Variants in SAA2 observed in about 807,000 individuals in gnomAD.
SAA2 encodes serum amyloid A-2 protein.
SAA2 carries 5 observed loss-of-function variants against 9.1 expected under a neutral mutation model. The ratio of observed to expected loss-of-function variants is 0.55; its 90% CI spans 0.29 to 1.16. The LOEUF is 1.16. SAA2 is among the 50% of genes most tolerant of loss of function. The pLI, the probability that SAA2 is intolerant of heterozygous loss-of-function variation, is 0.09. For missense variants in SAA2, 94 were observed against 153.8 expected, an observed-to-expected ratio of 0.61 and a Z score of 2.06; for synonymous variants, 49 against 59.8, an observed-to-expected ratio of 0.82 and a Z score of 0.83.
At position 18,245,405 on chromosome 11, in the gene SAA2, C is replaced by G; in HGVS notation, c.341G>C (p.Arg114Pro). ...GTATTTCTCAGGCAGGCCAGCAGGTCGGAAGTGATTGGGGTCTCTGCCACT... is the reference window on the plus strand; with the variant it reads ...GTATTTCTCAGGCAGGCCAGCAGGTGGGAAGTGATTGGGGTCTCTGCCACT... ...GRSGRDPNHF[R>P]PAGLPEKY The change falls in exon 4 of 4, where the codon CGA becomes CCA. Residue 114 changes from arginine to proline, a missense_variant. Transcript: ENST00000256733. 6.2e-7 allele frequency: 1 copy of G among 1,614,222 alleles called. No individual in the cohort carries two copies. The highest frequency in any genetic ancestry group is 8.5e-7 in the Non-Finnish European group (1 of 1,180,050).
chr11:18,239,569 A>G, exon 4 of SAA2: 1 of 400,232 alleles, frequency 2.5e-6, no homozygotes, highest in African/African-American at 2.1e-5. Context: ...ATAGTCAATG[A>G]CTCCATGTTG....
At chr11:18,240,477 G>A (rs1416538971), downstream of SAA2, among the ~76,000 whole-genome samples, 2 of 152,072 alleles carry the variant, frequency 1.3e-5, 1 homozygote, top group South Asian at 4.1e-4. Flanking sequence ...GGTTCCTTTA[G>A]TCACATAGCT....
At chr11:18,245,226 A>G, downstream of SAA2, 2 of 1,456,088 alleles carry the variant, frequency 1.4e-6, no homozygotes, top group Non-Finnish European at 1.8e-6. Flanking sequence ...AGAAGAACAC[A>G]CTGTTTCAAC....
chr11:18,244,622 T>C (rs1857445574), downstream of SAA2, among the ~76,000 whole-genome samples: 1 of 152,232 alleles, frequency 6.6e-6, no homozygotes, highest in Non-Finnish European at 1.5e-5. Flanking sequence ...GGACCCTGAC[T>C]GATAAAACAG....
downstream of SAA2, among the ~76,000 whole-genome samples, chr11:18,243,184 T>C (rs530808494): frequency 3.3e-5 from 5 of 152,298 alleles, 1 homozygote; most frequent in South Asian, 1.0e-3. Flanking sequence ...ATTTGGTCCT[T>C]TACAGACGGA....
downstream of SAA2, chr11:18,242,033 A>C (rs1857360610): frequency 1.3e-5 from 2 of 152,234 alleles, no homozygotes; most frequent in South Asian, 4.1e-4. Flanking sequence ...CTCAATTTGC[A>C]TGTAGCATGA....
At chr11:18,242,416 G>A (rs1857373132), downstream of SAA2, 2 of 196,188 alleles carry the variant, frequency 1.0e-5, no homozygotes, top group East Asian at 2.5e-4. Context: ...AACAGATTGG[G>A]TGATGCCCAG....
chr11:18,239,788 A>T, exon 4 of SAA2: 1 of 833,996 alleles, frequency 1.2e-6, no homozygotes, highest in South Asian at 2.4e-5. Flanking sequence ...ACCTCTCTTC[A>T]GTCTCCATCC....
exon 4 of SAA2, chr11:18,239,692 C>A: frequency 2.3e-6 from 1 of 431,670 alleles, no homozygotes; most frequent in Non-Finnish European, 4.1e-6. Flanking sequence ...CCTTTCCCAA[C>A]AGCTGCTCCT....
chr11:18,244,048 CA>C (rs922954974), downstream of SAA2, among the ~76,000 whole-genome samples: 2 of 152,194 alleles, frequency 1.3e-5, no homozygotes, highest in African/African-American at 4.8e-5. Context: ...ACAGGACAAC[CA>C]GTGGCACTTG....
At position 18,240,189 on chromosome 11, in the gene SAA2, C is replaced by T. The variant is rs79121278; in HGVS notation, c.231-220G>A. On this transcript the variant is annotated intron_variant, in intron 3 of 3. Coordinates refer to the SAA2 transcript ENST00000414546. ...GTGGACCTGGGGAATAGAAATTAAC[C>T]TGTAAATGATTCTCTTGAAATTTGA... 0.01 allele frequency: 7,337 copies of T among 719,694 alleles called. 378 individuals are homozygous for T. The African/African-American group carries it at 0.11, about 11-fold the overall frequency. 44.6% of individuals were successfully genotyped at this position (719,694 alleles called of 1,614,324 possible). A position where few individuals can be genotyped will look rare whatever the true frequency, so the allele number is the denominator to read the frequency against.
At chr11:18,247,174 T>C (rs868360705) in intron 2 of SAA2, among the ~76,000 whole-genome samples, 1,416 of 151,838 alleles carry the variant, frequency 9.3e-3, no homozygotes, top group African/African-American at 0.033. Flanking sequence ...GAGAAAATGC[T>C]GTGGTCCTTG....
downstream of SAA2, among the ~76,000 whole-genome samples, chr11:18,241,245 T>C (rs1329796605): frequency 1.3e-5 from 2 of 151,956 alleles, no homozygotes; most frequent in Non-Finnish European, 2.9e-5. Context: ...CAGATGTTGG[T>C]GAGGATGTGG....
At chr11:18,244,755 G>A (rs1403757128), downstream of SAA2, among the ~76,000 whole-genome samples, 2 of 152,168 alleles carry the variant, frequency 1.3e-5, no homozygotes, top group African/African-American at 2.4e-5. Flanking sequence ...TTGAAAGAAG[G>A]CAATGAAAAT....
In SAA2 at chr11:18,240,043, G is replaced by C; in HGVS notation, c.231-74C>G. 3.3e-6 allele frequency: 5 copies of C among 1,531,048 alleles called. No homozygotes were observed. In the East Asian group the frequency reaches 1.2e-4, roughly 37 times the overall value. The allele number at this position is 1,531,048 out of a possible 1,614,324, so 94.8% of individuals were successfully genotyped here. ...ACATGCAAGGGGGAAAATCACAGGA[G>C]GGTGATTTCCCAATAACCCAATGGG... is the stretch of plus-strand genomic sequence containing the variant. On this transcript the variant is annotated intron_variant, in intron 3 of 3. Coordinates refer to the SAA2 transcript ENST00000414546.
chr11:18,242,635 C>T (rs563695701), downstream of SAA2: 159 of 591,152 alleles, frequency 2.7e-4, 1 homozygote, highest in African/African-American at 2.9e-3. Context: ...CACTTGAGCC[C>T]AGGAGTTCAA....
chr11:18,246,623 C>T (rs569801098), intron 2 of SAA2, among the ~76,000 whole-genome samples: 81 of 152,136 alleles, frequency 5.3e-4, no homozygotes, highest in African/African-American at 1.8e-3. Context: ...CTTCCGCTTC[C>T]CGGGTTCAAG....
At chr11:18,245,227 CT>C (rs559600685), downstream of SAA2, 209 of 1,457,544 alleles carry the variant, frequency 1.4e-4, 1 homozygote, top group East Asian at 1.6e-3. Flanking sequence ...GAAGAACACA[CT>C]GTTTCAACAA....
At chr11:18,242,854 G>GAAACA (rs1857388364), downstream of SAA2, 3 of 700,120 alleles carry the variant, frequency 4.3e-6, no homozygotes, top group Non-Finnish European at 7.8e-6. Context: ...CTCAAATAAC[G>GAAACA]AAACAAAACA....
Sources: gnomAD v4.1 joint callset for allele counts (sites outside exome capture counted in the v4.1 genomes callset) on GRCh38, gnomAD v4.1.1 for gene constraint, MANE v1.5 for transcripts, NCBI Gene and HGNC (gene_info 2026-07-23, HGNC 2026-07-21) for gene names.